The following ATP13A4 variants were observed in gnomAD, a reference collection of about 807,000 sequenced individuals.
ATP13A4 encodes the protein probable cation-transporting ATPase 13A4.
In ATP13A4, 114 loss-of-function variants were observed where a neutral mutation model predicts 142.5. That is an observed-to-expected ratio of 0.80 (90% CI 0.69 to 0.93). The LOEUF is 0.93. Ranked by LOEUF, ATP13A4 falls within the 40% of genes least tolerant of loss-of-function variation. The pLI is 0.00. For missense variants in ATP13A4, 1,392 were observed against 1,454.0 expected (o/e 0.96, Z 0.69); for synonymous variants, 488 against 514.8 (o/e 0.95, Z 0.70).
upstream of ATP13A4, among the ~76,000 whole-genome samples, chr3:193,556,717 G>A (rs1286091702): frequency 6.6e-6 from 1 of 151,772 alleles, no homozygotes; most frequent in Non-Finnish European, 1.5e-5. Flanking sequence ...CTTTAAAAGG[G>A]TGAATTTTAT....
At chr3:193,548,060 T>G (rs926709949) in intron 1 of ATP13A4, among the ~76,000 whole-genome samples, 1 of 152,082 alleles carries the variant, frequency 6.6e-6, no homozygotes, top group African/African-American at 2.4e-5. Flanking sequence ...CATAGAAAAA[T>G]AGTATAGTAT....
Position 193,552,029 on chromosome 3 carries a change from C to A in ATP13A4, c.60+2711G>T, listed in dbSNP as rs1373673899. Among the ~76,000 whole-genome samples, 4 of 152,096 alleles carry A rather than the reference C, an allele frequency of 2.6e-5. No individual in the cohort carries two copies. The South Asian group carries it at 6.2e-4, about 24-fold the overall frequency. On this transcript the variant is annotated intron_variant, in intron 1 of 29. Transcript: ENST00000342695. The stretch of plus-strand genomic sequence containing the variant: ...TTGCTCTGTTGCCAGGCTGGAGTGC[C>A]ATGGCGCGATCTTGGCTCACTGCAA...
chr3:193,517,979 C>G (rs1353819365), intron 1 of ATP13A4, among the ~76,000 whole-genome samples: 1 of 152,190 alleles, frequency 6.6e-6, no homozygotes. Flanking sequence ...ATCTAGAAAT[C>G]TTAAACTGGA....
Position 193,441,490 on chromosome 3 carries a change from T to G in ATP13A4, c.2415A>C (p.Gln805His), listed in dbSNP as rs1355568554. Reference sequence around the variant, plus strand: ...CCTTTGGCAGTAGGCTGCTGAAATGTTGACTTATAACATGAAAGGATTTTC... The same window carrying G: ...CCTTTGGCAGTAGGCTGCTGAAATGGTGACTTATAACATGAAAGGATTTTC... The part of the protein sequence containing the change: ...LTGKSFHVIS[Q>H]HFSSLLPKIL... The change falls in exon 20 of 30, where the codon CAA becomes CAC. Residue 805 changes from glutamine (Q) to histidine (H), a missense_variant. Transcript: ENST00000342695. 1 of 1,613,904 alleles carries G rather than the reference T, an allele frequency of 6.2e-7. No homozygotes were observed. The highest frequency in any genetic ancestry group is 1.1e-5 in the South Asian group (1 of 91,078).
In ATP13A4 at chr3:193,514,686, G is replaced by A. The variant is rs1318699724; in HGVS notation, c.234+12C>T. 2 of 1,613,986 alleles carry A rather than the reference G, an allele frequency of 1.2e-6. No individual in the cohort carries two copies. Among genetic ancestry groups the A allele is most frequent in the Admixed American group, 3.3e-5 (2 of 60,014 alleles). ...AGGGGGGCACCAGCGACATAACCAG[G>A]TACACACTTACCGTTGTCCTCAGCA... is the stretch of plus-strand genomic sequence containing the variant. On this transcript the variant is annotated intron_variant, in intron 2 of 29. Coordinates refer to ENST00000342695, the MANE Select transcript of ATP13A4 (RefSeq NM_032279.4).
rs75054205 is a variant in ATP13A4 at position 193,426,778 on chromosome 3, C to A, written c.2842+7067G>T. On this transcript the variant is annotated intron_variant, in intron 25 of 29. Coordinates refer to ENST00000342695, the MANE Select transcript of ATP13A4 (RefSeq NM_032279.4). ...AGTCTCTTCAACAAGCTGGGACAAC[C>A]AGATTTCCACACACAAAGTAAGGAA... Among the ~76,000 whole-genome samples, 792 of 151,978 alleles carry A rather than the reference C, an allele frequency of 5.2e-3. 8 individuals carry two copies. Among genetic ancestry groups the A allele is most frequent in the African/African-American group, 0.018 (764 of 41,508 alleles).
chr3:193,490,110 G>T (rs1274573894), intron 6 of ATP13A4, among the ~76,000 whole-genome samples: 1 of 152,180 alleles, frequency 6.6e-6, no homozygotes, highest in African/African-American at 2.4e-5. Flanking sequence ...TAATGATAAA[G>T]AAACTGAAAC....
chr3:193,557,843 G>A (rs1275214757), upstream of ATP13A4, among the ~76,000 whole-genome samples: 2 of 152,236 alleles, frequency 1.3e-5, no homozygotes, highest in Non-Finnish European at 2.9e-5. Flanking sequence ...TGGAGATGCT[G>A]AGGCTCGGAC....
intron 28 of ATP13A4, among the ~76,000 whole-genome samples, chr3:193,409,419 C>T (rs1301628256): frequency 6.6e-6 from 1 of 152,174 alleles, no homozygotes; most frequent in East Asian, 1.9e-4. Flanking sequence ...TGCAGTCATG[C>T]TGGCAATGAC....
Position 193,499,082 on chromosome 3 carries a change from G to A in ATP13A4, c.381+3411C>T, listed in dbSNP as rs542955140. 3.3e-5 allele frequency among the ~76,000 whole-genome samples: 5 copies of A among 152,320 alleles called. No homozygotes were observed. The South Asian group carries it at 6.2e-4, about 19-fold the overall frequency. On this transcript the variant is annotated intron_variant, in intron 3 of 29. Transcript: ENST00000342695. ...TGTATGTACAGGTACACATGTGCAC[G>A]TGTGCAAACACACACACAGACATTC...
intron 16 of ATP13A4, among the ~76,000 whole-genome samples, chr3:193,455,746 T>C (rs1021623582): frequency 6.6e-6 from 1 of 152,218 alleles, no homozygotes; most frequent in Non-Finnish European, 1.5e-5. Context: ...TATATGTTTA[T>C]TGCAGCACTA....
intron 27 of ATP13A4, 101 bp downstream of exon 27, chr3:193,412,077 T>C: frequency 1.9e-6 from 2 of 1,038,510 alleles, no homozygotes; most frequent in Non-Finnish European, 3.0e-6. Flanking sequence ...CAAGAGATGC[T>C]AGATAAGAAT....
chr3:193,412,377 A>G lies in ATP13A4; in HGVS notation c.3015-6T>C, dbSNP rs780530766. 32 of 1,613,736 alleles carry G rather than the reference A, an allele frequency of 2.0e-5. No individual in the cohort carries two copies. The highest frequency in any genetic ancestry group is 2.6e-5 in the Non-Finnish European group (31 of 1,179,684). On this transcript the variant is annotated splice_polypyrimidine_tract_variant and splice_region_variant and intron_variant, in intron 26 of 29. Transcript: ENST00000342695. ...CATTTTGTACTGTGCAGGCACTAAAAGGGAAAACCAAAGAAGCTAATGAAG... is the reference window on the plus strand; with the variant it reads ...CATTTTGTACTGTGCAGGCACTAAAGGGGAAAACCAAAGAAGCTAATGAAG...
intron 16 of ATP13A4, among the ~76,000 whole-genome samples, chr3:193,455,839 T>C (rs1717578161): frequency 6.6e-6 from 1 of 152,200 alleles, no homozygotes; most frequent in African/African-American, 2.4e-5. Context: ...ATATACATGA[T>C]GGAATACTAG....
chr3:193,460,915 A>G (rs906065186), intron 13 of ATP13A4, among the ~76,000 whole-genome samples: 1 of 152,264 alleles, frequency 6.6e-6, no homozygotes, highest in African/African-American at 2.4e-5. Context: ...AGGAAGAAAT[A>G]TCAGAGATGA....
chr3:193,472,524 G>C (rs1055174375), intron 8 of ATP13A4, among the ~76,000 whole-genome samples: 1 of 152,186 alleles, frequency 6.6e-6, no homozygotes, highest in African/African-American at 2.4e-5. Flanking sequence ...AAACAAAACT[G>C]TATGCTGAGG....
chr3:193,514,903 G>A (rs776083188), intron 1 of ATP13A4, 32 bp from the exon 2 acceptor site: 1 of 1,604,650 alleles, frequency 6.2e-7, no homozygotes, highest in African/African-American at 1.3e-5. Context: ...ACCAAATATT[G>A]GTTAAGCACA....
chr3:193,449,826 A>G (rs995779438), intron 17 of ATP13A4, among the ~76,000 whole-genome samples: 4 of 152,188 alleles, frequency 2.6e-5, no homozygotes, highest in African/African-American at 9.7e-5. Context: ...TCAGATAGAA[A>G]TCATTGCTCC....
At chr3:193,431,475 G>T (rs1198167595) in intron 25 of ATP13A4, among the ~76,000 whole-genome samples, 1 of 151,928 alleles carries the variant, frequency 6.6e-6, no homozygotes, top group East Asian at 1.9e-4. Flanking sequence ...TATGGAGATG[G>T]TATAGGCTGA....
Sources: gnomAD v4.1 joint callset for allele counts (sites outside exome capture counted in the v4.1 genomes callset) on GRCh38, gnomAD v4.1.1 for gene constraint, MANE v1.5 for transcripts, NCBI Gene and HGNC (gene_info 2026-07-23, HGNC 2026-07-21) for gene names.